The following NCAPH variants were observed in gnomAD, a reference collection of about 807,000 sequenced individuals.
NCAPH encodes condensin complex subunit 2.
A neutral mutation model predicts 85.5 loss-of-function variants in NCAPH; 38 were observed. The observed-to-expected ratio is 0.44, with a 90% CI of 0.34 to 0.58. The LOEUF (loss-of-function observed/expected upper bound fraction) is 0.58. Ranked by LOEUF, NCAPH falls within the 20% of genes least tolerant of loss-of-function variation. The pLI is 0.01. For missense variants in NCAPH, 789 were observed against 916.6 expected, an observed-to-expected ratio of 0.86 and a Z score of 1.80; for synonymous variants, 301 against 335.1, an observed-to-expected ratio of 0.90 and a Z score of 1.11.
At chr2:96,347,625 G>C (rs1044752557) in intron 6 of NCAPH, among the ~76,000 whole-genome samples, 1 of 152,178 alleles carries the variant, frequency 6.6e-6, no homozygotes, top group Admixed American at 6.5e-5. Flanking sequence ...GTGGGAGATG[G>C]GGGCTGTGGT....
At chr2:96,372,792 A>G (rs900902936) in intron 17 of NCAPH, among the ~76,000 whole-genome samples, 1 of 152,200 alleles carries the variant, frequency 6.6e-6, no homozygotes, top group African/African-American at 2.4e-5. Context: ...TAATTTGTAA[A>G]TTAAACTTGA....
chr2:96,360,339 G>A (rs1280901502), intron 11 of NCAPH, 90 bp downstream of exon 11: 4 of 860,702 alleles, frequency 4.6e-6, no homozygotes, highest in East Asian at 2.5e-5. Context: ...AACTGTTAGA[G>A]CAAACAGATG....
intron 3 of NCAPH, among the ~76,000 whole-genome samples, 176 bp downstream of exon 3, chr2:96,342,316 C>T (rs576025012): frequency 1.1e-4 from 16 of 152,288 alleles, no homozygotes; most frequent in Admixed American, 2.0e-4. Flanking sequence ...TGAGAGGCTG[C>T]CAGCTATCTG....
chr2:96,347,192 G>A (rs1267311712), intron 6 of NCAPH, among the ~76,000 whole-genome samples: 1 of 152,006 alleles, frequency 6.6e-6, no homozygotes, highest in Non-Finnish European at 1.5e-5. Context: ...CGGCTGTGAA[G>A]AGAAAGCAGC....
At chr2:96,340,450 G>T (rs1354487695) in intron 1 of NCAPH, among the ~76,000 whole-genome samples, 1 of 146,378 alleles carries the variant, frequency 6.8e-6, no homozygotes, top group Admixed American at 6.9e-5. Context: ...GAGTGCAATG[G>T]CACAGTCTTG....
At position 96,377,026 on chromosome 2, in the gene NCAPH, A is replaced by G. The variant is rs541955133; in HGVS notation, c.*3675A>G. 1.3e-5 allele frequency among the ~76,000 whole-genome samples: 2 copies of G among 152,076 alleles called. No homozygotes were observed. Among genetic ancestry groups the G allele is most frequent in the Non-Finnish European group, 2.9e-5 (2 of 68,022 alleles). On this transcript the variant is annotated 3_prime_UTR_variant, in exon 18 of 18. Coordinates refer to ENST00000240423, the MANE Select transcript of NCAPH (RefSeq NM_015341.5). ...TGTATCAAAATATCTCATGTACCCCATAAATATATGCACCTACTATGTACC... is the reference window on the plus strand; with the variant it reads ...TGTATCAAAATATCTCATGTACCCCGTAAATATATGCACCTACTATGTACC...
chr2:96,359,140 C>A lies in NCAPH; in HGVS notation c.1304C>A (p.Thr435Asn), dbSNP rs2064569440. 3.1e-6 allele frequency: 5 copies of A among 1,614,102 alleles called. No homozygotes were observed. The highest frequency in any genetic ancestry group is 4.2e-6 in the Non-Finnish European group (5 of 1,180,052). ...GAATATTCTTATTTCAGTCCTCGGA[C>A]CATGTCGATGTGGGCTGGCCCGGAT... ...PGEYSYFSPR[T>N]MSMWAGPDHW... Residue 435 changes from threonine to asparagine, a missense_variant, in exon 10 of 18, where the codon ACC becomes AAC. Transcript: ENST00000240423.
chr2:96,349,808 A>G (rs937054941), intron 6 of NCAPH, among the ~76,000 whole-genome samples: 1 of 152,256 alleles, frequency 6.6e-6, no homozygotes, highest in Non-Finnish European at 1.5e-5. Flanking sequence ...GAGGATTCAA[A>G]CATGATTATG....
intron 1 of NCAPH, among the ~76,000 whole-genome samples, chr2:96,338,867 G>A (rs1204856889): frequency 1.3e-5 from 2 of 152,200 alleles, no homozygotes; most frequent in African/African-American, 4.8e-5. Context: ...CTGTAGTGCA[G>A]TGGCGCGATC....
At chr2:96,348,758 C>T (rs564649392) in intron 6 of NCAPH, among the ~76,000 whole-genome samples, 143 of 152,094 alleles carry the variant, frequency 9.4e-4, no homozygotes, top group Non-Finnish European at 1.6e-3. Context: ...CCGGTTCAAA[C>T]GATTCTCGTG....
intron 1 of NCAPH, among the ~76,000 whole-genome samples, chr2:96,339,255 C>T (rs563726094): frequency 4.9e-4 from 74 of 152,264 alleles, no homozygotes; most frequent in African/African-American, 1.7e-3. Flanking sequence ...TTCCTCACTT[C>T]CCTTTCAACT....
At position 96,354,357 on chromosome 2, in the gene NCAPH, T is replaced by C. The variant is rs750045604; in HGVS notation, c.1177T>C (p.Trp393Arg). ...AVGDHEEFRSWKEPCQVQSCQ... is the reference protein window; with the variant it reads ...AVGDHEEFRSRKEPCQVQSCQ... ...TGGGGATCATGAAGAGTTCAGGAGC[T>C]GGAAGGAGCCCTGCCAGGTTCAGAG... Residue 393 changes from tryptophan to arginine, a missense_variant, in exon 9 of 18, where the codon TGG (tryptophan) becomes CGG (arginine). Transcript: ENST00000240423. 3 of 1,606,380 alleles carry C rather than the reference T, an allele frequency of 1.9e-6. No homozygotes were observed. The highest frequency in any genetic ancestry group is 2.2e-5 in the South Asian group (2 of 90,010).
chr2:96,352,762 G>A (rs571622307), intron 7 of NCAPH, among the ~76,000 whole-genome samples: 16 of 152,262 alleles, frequency 1.1e-4, no homozygotes, highest in Non-Finnish European at 2.1e-4. Context: ...TCCAGGCTGG[G>A]CAGTTGTTAG....
chr2:96,373,151 T>G (rs191730537), intron 17 of NCAPH, 141 bp from the exon 18 acceptor site: 2 of 698,406 alleles, frequency 2.9e-6, no homozygotes, highest in Admixed American at 2.6e-5. Context: ...ATGCAAATTA[T>G]ACTTGCTATG....
intron 4 of NCAPH, 66 bp downstream of exon 4, chr2:96,342,914 A>G: frequency 7.1e-7 from 1 of 1,399,842 alleles, no homozygotes; most frequent in East Asian, 2.3e-5. Context: ...TACTTGGCAT[A>G]ACACAGTTGA....
At chr2:96,356,110 G>A (rs1162064848) in intron 9 of NCAPH, among the ~76,000 whole-genome samples, 1 of 152,232 alleles carries the variant, frequency 6.6e-6, no homozygotes, top group African/African-American at 2.4e-5. Flanking sequence ...GATGTTTTCT[G>A]CTGGTTATTT....
intron 1 of NCAPH, among the ~76,000 whole-genome samples, chr2:96,339,253 T>C (rs540772712): frequency 1.3e-5 from 2 of 152,308 alleles, no homozygotes; most frequent in Admixed American, 6.5e-5. Context: ...AATTCCTCAC[T>C]TCCCTTTCAA....
At position 96,373,467 on chromosome 2, in the gene NCAPH, C is replaced by A; in HGVS notation, c.*116C>A. On this transcript the variant is annotated 3_prime_UTR_variant, in exon 18 of 18. Transcript: ENST00000240423. ...TTATACCCAGGCTGTAGCCAACTAC[C>A]AACGTGCCTGTTTGTTTGTTGCTCT... The A allele has an allele frequency of 2.1e-6, 2 of 933,062 alleles. No homozygotes were observed. The highest frequency in any genetic ancestry group is 3.4e-6 in the Non-Finnish European group (2 of 590,052). 57.8% of individuals were successfully genotyped at this position (933,062 alleles called of 1,614,324 possible).
Position 96,353,364 on chromosome 2 carries a change from G to A in NCAPH, c.969G>A (p.Gln323=), listed in dbSNP as rs1287771059. The change falls in exon 8 of 18, where the codon CAG becomes CAA. Residue 323 remains glutamine, a synonymous_variant. Transcript: ENST00000240423. ...TCTGCCCTTCCCTGGCCGGGTTCCA[G>A]TTTACACAGTGGGACAGTGAAACAC... is the stretch of plus-strand genomic sequence containing the variant. ...RQICPSLAGF[Q]FTQWDSETHN... 6.2e-7 allele frequency: 1 copy of A among 1,614,112 alleles called. No homozygotes were observed. The highest frequency in any genetic ancestry group is 8.5e-7 in the Non-Finnish European group (1 of 1,180,042).
Sources: gnomAD v4.1 joint callset for allele counts (sites outside exome capture counted in the v4.1 genomes callset) on GRCh38, gnomAD v4.1.1 for gene constraint, MANE v1.5 for transcripts, NCBI Gene and HGNC (gene_info 2026-07-23, HGNC 2026-07-21) for gene names.